ZNF704: variants seen among roughly 807,000 people sequenced by gnomAD.
ZNF704 encodes zinc finger protein 704, also known as glucocorticoid induced gene 1.
A neutral mutation model predicts 44.7 loss-of-function variants in ZNF704; 10 were observed. The observed-to-expected ratio is 0.22, with a 90% CI of 0.14 to 0.38. The LOEUF (loss-of-function observed/expected upper bound fraction) is 0.38. ZNF704 is among the 10% of genes least tolerant of loss of function. ZNF704 has a pLI of 1.00. For missense variants in ZNF704, 390 were observed against 545.5 expected, an observed-to-expected ratio of 0.71 and a Z score of 2.84; for synonymous variants, 211 against 207.6, an observed-to-expected ratio of 1.02 and a Z score of -0.14.
At chr8:80,697,292 A>G (rs1315240591) in intron 2 of ZNF704, among the ~76,000 whole-genome samples, 1 of 152,200 alleles carries the variant, frequency 6.6e-6, no homozygotes, top group Non-Finnish European at 1.5e-5. Context: ...ACCCGGGAGT[A>G]AGGTGATCAA....
At chr8:80,823,754 C>T (rs1470240067) in intron 1 of ZNF704, among the ~76,000 whole-genome samples, 3 of 152,170 alleles carry the variant, frequency 2.0e-5, no homozygotes, top group African/African-American at 7.2e-5. Flanking sequence ...GCAACATTTG[C>T]CATTCTGTAA....
intron 6 of ZNF704, among the ~76,000 whole-genome samples, chr8:80,663,596 C>T (rs1818136289): frequency 6.6e-6 from 1 of 152,090 alleles, no homozygotes; most frequent in African/African-American, 2.4e-5. Flanking sequence ...GATGCTGGCA[C>T]TGTTGATTTG....
chr8:80,652,258 C>A (rs1453492546), intron 7 of ZNF704, among the ~76,000 whole-genome samples: 2 of 151,886 alleles, frequency 1.3e-5, no homozygotes, highest in Non-Finnish European at 2.9e-5. Context: ...ATTAAAAGAA[C>A]TAGAGAAGCA....
intron 7 of ZNF704, among the ~76,000 whole-genome samples, chr8:80,646,065 T>C (rs1817829007): frequency 6.6e-6 from 1 of 152,220 alleles, no homozygotes; most frequent in South Asian, 2.1e-4. Flanking sequence ...TAACAGAGGC[T>C]GGCATGTTGA....
Position 80,684,317 on chromosome 8 carries a change from A to G in ZNF704, c.558+2909T>C, listed in dbSNP as rs77344566. On this transcript the variant is annotated intron_variant, in intron 4 of 8. Transcript: ENST00000327835. ...TTTTGCACAGCACATACACATATGTATACACTGAAACAAAATTGTCAAGAA... is the reference window on the plus strand; with the variant it reads ...TTTTGCACAGCACATACACATATGTGTACACTGAAACAAAATTGTCAAGAA... Among the ~76,000 whole-genome samples the G allele has an allele frequency of 5.8e-3, 887 of 152,356 alleles. 9 individuals are homozygous for G. Among genetic ancestry groups the G allele is most frequent in the African/African-American group, 0.021 (853 of 41,578 alleles).
At chr8:80,740,105 G>A (rs1806732099) in intron 2 of ZNF704, among the ~76,000 whole-genome samples, 1 of 152,020 alleles carries the variant, frequency 6.6e-6, no homozygotes, top group Non-Finnish European at 1.5e-5. Flanking sequence ...CTATCCAAAG[G>A]GTCCTAGGAC....
intron 1 of ZNF704, among the ~76,000 whole-genome samples, chr8:80,827,188 C>T (rs138319745): frequency 0.035 from 5,336 of 152,244 alleles, 328 homozygotes; most frequent in African/African-American, 0.12. Flanking sequence ...ATCATCTCAG[C>T]CCAAAATCTC....
chr8:80,761,789 A>T (rs1205236237), intron 2 of ZNF704, among the ~76,000 whole-genome samples: 2 of 152,252 alleles, frequency 1.3e-5, no homozygotes, highest in East Asian at 1.9e-4. Context: ...CATATTCATA[A>T]ATAGGTCAAA....
chr8:80,695,078 G>A (rs113522652), intron 2 of ZNF704, among the ~76,000 whole-genome samples: 3,942 of 152,288 alleles, frequency 0.026, 135 homozygotes, highest in African/African-American at 0.09. Flanking sequence ...CTGTACTTGG[G>A]AGTAAAGGTA....
Position 80,652,614 on chromosome 8 carries a change from C to T in ZNF704, c.1032+6971G>A, listed in dbSNP as rs542481796. Among the ~76,000 whole-genome samples the T allele has an allele frequency of 5.1e-4, 78 of 152,242 alleles. 1 individual carries two copies. Among genetic ancestry groups the T allele is most frequent in the African/African-American group, 1.8e-3 (74 of 41,542 alleles). ...ACACACACACCCTCCCAAGACTAAA[C>T]CAGGAAGAAGTTGAATCTCTGAATA... On this transcript the variant is annotated intron_variant, in intron 7 of 8. Coordinates refer to ENST00000327835, the MANE Select transcript of ZNF704 (RefSeq NM_001033723.3).
intron 2 of ZNF704, among the ~76,000 whole-genome samples, chr8:80,817,455 T>C (rs1808195085): frequency 6.6e-6 from 1 of 152,132 alleles, no homozygotes. Flanking sequence ...CTGCCCTCTC[T>C]CCATCACTGC....
intron 2 of ZNF704, among the ~76,000 whole-genome samples, chr8:80,798,970 T>C (rs906628155): frequency 2.6e-5 from 4 of 152,190 alleles, no homozygotes; most frequent in African/African-American, 9.6e-5. Context: ...TGGCATGACA[T>C]GGCAAAAGAG....
chr8:80,792,859 G>A (rs1161951401), intron 2 of ZNF704, among the ~76,000 whole-genome samples: 2 of 152,144 alleles, frequency 1.3e-5, no homozygotes, highest in Admixed American at 1.3e-4. Context: ...GATAGCCCTG[G>A]CCAACACTTT....
chr8:80,874,120 G>A lies in ZNF704; in HGVS notation c.-22+451C>T, dbSNP rs1021887419. 6.8e-6 allele frequency among the ~76,000 whole-genome samples: 1 copy of A among 146,904 alleles called. No homozygotes were observed. The highest frequency in any genetic ancestry group is 2.4e-5 in the African/African-American group (1 of 40,934). The stretch of plus-strand genomic sequence containing the variant: ...CTCCTCTTCCTCCTCTGCCTCCGCC[G>A]GTGGCCGCAGGGCCGGGGACTCGCG... On this transcript the variant is annotated intron_variant, in intron 1 of 8. Coordinates refer to ENST00000327835, the MANE Select transcript of ZNF704 (RefSeq NM_001033723.3). The surrounding 1 kb of genome is among the most constrained non-coding windows in gnomAD (Gnocchi z 4.4).
In ZNF704 at chr8:80,854,979, G is replaced by A. The variant is rs115744917; in HGVS notation, c.-22+19592C>T. 6.5e-3 allele frequency among the ~76,000 whole-genome samples: 991 copies of A among 152,224 alleles called. 10 individuals carry two copies. The highest frequency in any genetic ancestry group is 0.022 in the African/African-American group (928 of 41,522). On this transcript the variant is annotated intron_variant, in intron 1 of 8. Transcript: ENST00000327835. ...AAATAAGCACATCATGTAGAATGGG[G>A]TATCCATGCCCTAAAGCATTTACTC...
intron 2 of ZNF704, among the ~76,000 whole-genome samples, chr8:80,809,071 C>T (rs1411753125): frequency 1.3e-5 from 2 of 152,186 alleles, no homozygotes; most frequent in African/African-American, 4.8e-5. Flanking sequence ...GTGGGCAGAT[C>T]ACTTGAGGTC....
intron 2 of ZNF704, among the ~76,000 whole-genome samples, chr8:80,761,331 C>A (rs1377364929): frequency 6.6e-6 from 1 of 152,166 alleles, no homozygotes; most frequent in Non-Finnish European, 1.5e-5. Context: ...AGAACTAGTA[C>A]AATTGGTTAA....
rs1818161930 is a variant in ZNF704, at chr8:80,664,734, T to C, written c.927+81A>G. The C allele has an allele frequency of 1.9e-6, 3 of 1,551,392 alleles. No individual in the cohort carries two copies. The Admixed American group carries it at 5.2e-5, about 27-fold the overall frequency. On this transcript the variant is annotated intron_variant, in intron 6 of 8. Coordinates refer to ENST00000327835, the MANE Select transcript of ZNF704 (RefSeq NM_001033723.3). ...TGTGTGATGCTGTTTTTCCACTGAG[T>C]TGTCTTTTACTCATAGGCCAGATGG...
intron 5 of ZNF704, among the ~76,000 whole-genome samples, chr8:80,668,931 G>T (rs889915047): frequency 1.3e-5 from 2 of 152,138 alleles, no homozygotes; most frequent in Non-Finnish European, 2.9e-5. Flanking sequence ...TGCTAACCCA[G>T]GCCCATTCCT....
Sources: allele counts gnomAD v4.1 joint callset (sites outside exome capture counted in the v4.1 genomes callset), GRCh38; gene constraint gnomAD v4.1.1; non-coding constraint Gnocchi (gnomAD v3.1); transcripts MANE v1.5; gene names NCBI Gene and HGNC (gene_info 2026-07-23, HGNC 2026-07-21).